The following FASTKD5 variants were observed in gnomAD, a reference collection of about 807,000 sequenced individuals.
FASTKD5 encodes non-canonical pre-mRNAs endonuclease FASTKD5, mitochondrial.
Under a neutral mutation model 44.0 loss-of-function variants are expected in FASTKD5, and 30 were observed. That is an observed-to-expected ratio of 0.68 (90% confidence interval 0.51 to 0.93). The LOEUF (loss-of-function observed/expected upper bound fraction) is 0.93, where lower values mean the gene tolerates loss of function less well. FASTKD5 is among the 40% of genes least tolerant of loss of function. FASTKD5 has a pLI of 0.00. For missense variants in FASTKD5, 868 were observed against 908.2 expected, an observed-to-expected ratio of 0.96 and a Z score of 0.57; for synonymous variants, 335 against 342.2, an observed-to-expected ratio of 0.98 and a Z score of 0.23.
intron 1 of FASTKD5, among the ~76,000 whole-genome samples, chr20:3,152,662 C>T (rs962851827): frequency 5.9e-5 from 9 of 152,150 alleles, no homozygotes; most frequent in Admixed American, 2.6e-4. Flanking sequence ...AATCCCAGCA[C>T]TTCAGGAGGC....
At chr20:3,155,311 C>A (rs1276020277) in intron 1 of FASTKD5, among the ~76,000 whole-genome samples, 1 of 152,150 alleles carries the variant, frequency 6.6e-6, no homozygotes, top group African/African-American at 2.4e-5. Flanking sequence ...AGGAGGATCA[C>A]CTGAGGTCAG....
chr20:3,157,866 C>A (rs1428333455), intron 1 of FASTKD5, among the ~76,000 whole-genome samples: 1 of 152,218 alleles, frequency 6.6e-6, no homozygotes, highest in East Asian at 1.9e-4. Context: ...ATAGTACATA[C>A]TTCAGACAAA....
chr20:3,157,509 C>T (rs2066698651), intron 1 of FASTKD5, among the ~76,000 whole-genome samples: 1 of 152,356 alleles, frequency 6.6e-6, no homozygotes, highest in Admixed American at 6.5e-5. Context: ...TAAGACTCTG[C>T]TATTCCTCTA....
At chr20:3,156,201 A>G (rs1459994307) in intron 1 of FASTKD5, among the ~76,000 whole-genome samples, 1 of 140,314 alleles carries the variant, frequency 7.1e-6, no homozygotes, top group Admixed American at 7.5e-5. Context: ...TTTGAGACAG[A>G]GTCTTGCTCT....
intron 1 of FASTKD5, among the ~76,000 whole-genome samples, chr20:3,154,682 A>C (rs1484343081): frequency 7.9e-5 from 12 of 152,192 alleles, no homozygotes; most frequent in Non-Finnish European, 4.4e-5. Context: ...TCAAAAAATA[A>C]ATAAATAAAT....
rs747969683 is a variant in FASTKD5, at chr20:3,147,314, C to T, written c.1757G>A (p.Arg586Gln). Residue 586 changes from arginine (R) to glutamine (Q), a missense_variant, in exon 2 of 2, where the codon CGA (arginine) becomes CAA (glutamine). Arg to Gln is a conservative substitution (Grantham distance 43). Transcript: ENST00000380266. ...AAGCTGGACCTCTAAGTCAGAAGATCGGGTATGAGGCAAAATCATATGGTG... is the reference window on the plus strand; with the variant it reads ...AAGCTGGACCTCTAAGTCAGAAGATTGGGTATGAGGCAAAATCATATGGTG... ...VKHHMILPHT[R>Q]SSDLEVQLDV... 7 of 1,614,050 alleles carry T rather than the reference C, an allele frequency of 4.3e-6. No homozygotes were observed. In the East Asian group the frequency reaches 6.7e-5, roughly 15 times the overall value.
rs2066600311 is a variant in FASTKD5 at position 3,149,199 on chromosome 20, A to ATT, written c.-130_-129insAA. The ATT allele has an allele frequency of 1.1e-6, 1 of 940,320 alleles. No homozygotes were observed. The highest frequency in any genetic ancestry group is 1.6e-6 in the Non-Finnish European group (1 of 633,600). The allele number at this position is 940,320 out of a possible 1,614,324, so 58.2% of individuals were successfully genotyped here. A position where few individuals can be genotyped will look rare whatever the true frequency, so the allele number is the denominator to read the frequency against. On this transcript the variant is annotated 5_prime_UTR_variant, in exon 2 of 2. An upstream open reading frame in the 5' UTR loses its in-frame stop. Transcript: ENST00000380266. This position sits in a 1 kb window ranked among gnomAD's most constrained non-coding sequence, Gnocchi z 4.1. ...GGTGTTCCACAAAAACTGCCTGGAAATCTTCAGCATATCACAAGAGCCAGG... is the reference window on the plus strand; with the variant it reads ...GGTGTTCCACAAAAACTGCCTGGAAATTTCTTCAGCATATCACAAGAGCCAGG...
At chr20:3,152,428 G>T (rs969588512) in intron 1 of FASTKD5, among the ~76,000 whole-genome samples, 11 of 152,032 alleles carry the variant, frequency 7.2e-5, no homozygotes, top group Admixed American at 3.9e-4. Flanking sequence ...CTTGAACCTG[G>T]GAGGCAGAGG....
Position 3,148,111 on chromosome 20 carries a change from G to A in FASTKD5, c.960C>T (p.Thr320=). The change falls in exon 2 of 2, where the codon ACC becomes ACT. Residue 320 remains threonine, a synonymous_variant. Coordinates refer to ENST00000380266, the MANE Select transcript of FASTKD5 (RefSeq NM_021826.5). ...IDLINLEEVG[T]ICLGFFKSST... ...TTGATTTAAAGAACCCCAAACAGAT[G>A]GTACCAACCTCCTCCAAATTGATCA... 1.9e-6 allele frequency: 3 copies of A among 1,613,902 alleles called. No homozygotes were observed. Among genetic ancestry groups the A allele is most frequent in the Non-Finnish European group, 2.5e-6 (3 of 1,179,996 alleles).
chr20:3,147,419 T>C lies in FASTKD5; in HGVS notation c.1652A>G (p.Lys551Arg). 1 of 1,614,202 alleles carries C rather than the reference T, an allele frequency of 6.2e-7. No homozygotes were observed. The highest frequency in any genetic ancestry group is 8.5e-7 in the Non-Finnish European group (1 of 1,180,038). Residue 551 changes from lysine to arginine, a missense_variant, in exon 2 of 2, where the codon AAG becomes AGG. By Grantham distance (26) the Lys-to-Arg change is conservative. Coordinates refer to ENST00000380266, the MANE Select transcript of FASTKD5 (RefSeq NM_021826.5). The stretch of plus-strand genomic sequence containing the variant: ...GAATTCAGGCTTTGAATTCATATCC[T>C]TCTCTGCTAAATACCACAGCAATTC... ...GSELLWYLAEKDMNSKPEFLE... is the reference protein window; with the variant it reads ...GSELLWYLAERDMNSKPEFLE...
chr20:3,152,978 G>A (rs950086657), intron 1 of FASTKD5, among the ~76,000 whole-genome samples: 2 of 151,914 alleles, frequency 1.3e-5, no homozygotes. Flanking sequence ...CTGTGCCATA[G>A]TAAAGCGAAA....
At chr20:3,156,553 T>C (rs1366825930) in intron 1 of FASTKD5, 1 of 152,202 alleles carries the variant, frequency 6.6e-6, no homozygotes, top group Non-Finnish European at 1.5e-5. Flanking sequence ...GCCCCAAGTA[T>C]ACCTTTCTCC....
Position 3,147,493 on chromosome 20 carries a change from T to C in FASTKD5, c.1578A>G (p.Pro526=). The C allele has an allele frequency of 6.2e-7, 1 of 1,614,242 alleles. No homozygotes were observed. The highest frequency in any genetic ancestry group is 1.1e-5 in the South Asian group (1 of 91,090). The change falls in exon 2 of 2, where the codon CCA becomes CCG. Residue 526 remains proline, a synonymous_variant. Coordinates refer to ENST00000380266, the MANE Select transcript of FASTKD5 (RefSeq NM_021826.5). ...TLDGTVGIEC[P]DYRGNRLSTH... Reference sequence around the variant, plus strand: ...TACTAAGACGATTGCCTCTGTAATCTGGACACTCAATGCCAACTGTACCAT... The same window carrying C: ...TACTAAGACGATTGCCTCTGTAATCCGGACACTCAATGCCAACTGTACCAT...
In FASTKD5 at chr20:3,146,733, T is replaced by C. The variant is rs910633976; in HGVS notation, c.*43A>G. The C allele has an allele frequency of 3.8e-6, 6 of 1,585,096 alleles. No individual in the cohort carries two copies. The African/African-American group carries it at 8.1e-5, about 21-fold the overall frequency. On this transcript the variant is annotated 3_prime_UTR_variant, in exon 2 of 2. Coordinates refer to ENST00000380266, the MANE Select transcript of FASTKD5 (RefSeq NM_021826.5). ...AATCATTTTGCAACACCTGGTACAG[T>C]ATACACCTATAGCTTTGCCATAGAA...
At chr20:3,159,420 C>A (rs1380368481) in intron 1 of FASTKD5, among the ~76,000 whole-genome samples, 2 of 152,222 alleles carry the variant, frequency 1.3e-5, no homozygotes, top group Non-Finnish European at 2.9e-5. Flanking sequence ...TTCGCAGGCA[C>A]ATCAAAGTGT....
In FASTKD5 at chr20:3,146,884, G is replaced by C. The variant is rs1419989605; in HGVS notation, c.2187C>G (p.Gly729=). Residue 729 remains glycine (G), a synonymous_variant, in exon 2 of 2, where the codon GGC becomes GGG. Transcript: ENST00000380266. Reference sequence around the variant, plus strand: ...AGTAGGATAACTCTACCACACGGTAGCCAAGCCGAGCCAGCTGCCGCCTCT... The same window carrying C: ...AGTAGGATAACTCTACCACACGGTACCCAAGCCGAGCCAGCTGCCGCCTCT... The part of the protein sequence containing the change: ...NMKRRQLARL[G]YRVVELSYWE... 1 of 1,614,212 alleles carries C rather than the reference G, an allele frequency of 6.2e-7. No individual in the cohort carries two copies. The highest frequency in any genetic ancestry group is 1.1e-5 in the South Asian group (1 of 91,086).
chr20:3,151,194 T>C (rs1281716345), intron 1 of FASTKD5, among the ~76,000 whole-genome samples: 2 of 152,108 alleles, frequency 1.3e-5, no homozygotes, highest in Non-Finnish European at 2.9e-5. Flanking sequence ...TCAGCCACCA[T>C]GCCTGACCAC....
Position 3,146,636 on chromosome 20 carries a change from TA to T in FASTKD5, c.*139del. On this transcript the variant is annotated 3_prime_UTR_variant, in exon 2 of 2. Coordinates refer to ENST00000380266, the MANE Select transcript of FASTKD5 (RefSeq NM_021826.5). ...AATTCACAGTAACATACACTAGCTC[TA>T]ACCTGCCTTGGATACAATTAAGTCT... 1 of 977,416 alleles carries T rather than the reference TA, an allele frequency of 1.0e-6. No individual in the cohort carries two copies. The highest frequency in any genetic ancestry group is 1.5e-6 in the Non-Finnish European group (1 of 649,246). 60.5% of individuals were successfully genotyped at this position (977,416 alleles called of 1,614,324 possible).
At position 3,147,268 on chromosome 20, in the gene FASTKD5, T is replaced by C; in HGVS notation, c.1803A>G (p.Leu601=). The C allele has an allele frequency of 6.2e-7, 1 of 1,614,230 alleles. No individual in the cohort carries two copies. The highest frequency in any genetic ancestry group is 8.5e-7 in the Non-Finnish European group (1 of 1,180,042). Residue 601 remains leucine (L), a synonymous_variant, in exon 2 of 2, where the codon TTA becomes TTG. Transcript: ENST00000380266. ...CCGGCGTGGCTTCTCTATTAAATGG[T>C]AATGGCTTCAGGTTAACATCAAGCT... is the stretch of plus-strand genomic sequence containing the variant. ...EVQLDVNLKP[L]PFNREATPAE...
Sources: allele counts gnomAD v4.1 joint callset (sites outside exome capture counted in the v4.1 genomes callset), GRCh38; gene constraint gnomAD v4.1.1; non-coding constraint Gnocchi (gnomAD v3.1); transcripts MANE v1.5; gene names NCBI Gene and HGNC (gene_info 2026-07-23, HGNC 2026-07-21).